Variants in RREB1 observed in about 807,000 individuals in gnomAD.
RREB1 encodes ras responsive element binding protein 1.
RREB1 carries 27 observed loss-of-function variants against 117.8 expected under a neutral mutation model. The ratio of observed to expected loss-of-function variants is 0.23; its 90% confidence interval spans 0.17 to 0.32. The LOEUF is 0.32. Ranked by LOEUF, RREB1 falls within the 10% of genes least tolerant of loss-of-function variation. The pLI is 1.00. For missense variants in RREB1, 2,577 were observed against 2,378.2 expected (o/e 1.08, Z -1.74); for synonymous variants, 1,298 against 1,026.7 (o/e 1.26, Z -5.05).
At chr6:7,147,200 G>A (rs1473422851) in intron 1 of RREB1, among the ~76,000 whole-genome samples, 1 of 152,220 alleles carries the variant, frequency 6.6e-6, no homozygotes, top group Non-Finnish European at 1.5e-5. Flanking sequence ...AGCTTCTGCA[G>A]AACTCATGGC....
rs201607080 is a variant in RREB1 at position 7,143,053 on chromosome 6, CAAAT to C, written c.-284-33601_-284-33598del. On this transcript the variant is annotated intron_variant, in intron 1 of 12. Coordinates refer to ENST00000379938, the MANE Select transcript of RREB1 (RefSeq NM_001003699.4). The stretch of plus-strand genomic sequence containing the variant: ...TTTGTGTTGGAAACTTGTCTTGAGA[CAAAT>C]GAATACATTTGAGCCACTGGGATTT... Among the ~76,000 whole-genome samples, 1,049 of 152,260 alleles carry C rather than the reference CAAAT, an allele frequency of 6.9e-3. 7 individuals are homozygous for C. Among genetic ancestry groups the C allele is most frequent in the African/African-American group, 0.023 (972 of 41,550 alleles).
chr6:7,114,125 A>G (rs1394130089), intron 1 of RREB1, among the ~76,000 whole-genome samples: 1 of 151,990 alleles, frequency 6.6e-6, no homozygotes, highest in African/African-American at 2.4e-5. Context: ...ATTCTTCTTA[A>G]TGTGGTTCAC....
In RREB1 at chr6:7,246,471, G is replaced by C. The variant is rs747277914; in HGVS notation, c.4021G>C (p.Asp1341His). The C allele has an allele frequency of 1.2e-5, 18 of 1,536,604 alleles. No individual in the cohort carries two copies. Among genetic ancestry groups the C allele is most frequent in the Non-Finnish European group, 1.6e-5 (18 of 1,140,098 alleles). The part of the protein sequence containing the change: ...ETAAAAGEVL[D>H]LTSRDREQPS... ...TGCAGCCGCCGCGGGCGAAGTGCTA[G>C]ACCTCACCTCACGGGACAGAGAGCA... is the stretch of plus-strand genomic sequence containing the variant. Residue 1341 changes from aspartate to histidine, a missense_variant, in exon 12 of 13, where the codon GAC (aspartate) becomes CAC (histidine). Asp to His is a moderately conservative substitution (Grantham distance 81). Transcript: ENST00000379938.
chr6:7,126,303 A>AT (rs546664022), intron 1 of RREB1, among the ~76,000 whole-genome samples: 113 of 139,076 alleles, frequency 8.1e-4, no homozygotes, highest in Non-Finnish European at 1.4e-3. Flanking sequence ...CCCGGCCTCG[A>AT]TTCCCCCCCG....
rs140379708 is a variant in RREB1 at position 7,213,610 on chromosome 6, TTGTGGTGGG to T, written c.707+1904_707+1912del. On this transcript the variant is annotated intron_variant, in intron 8 of 12. Coordinates refer to ENST00000379938, the MANE Select transcript of RREB1 (RefSeq NM_001003699.4). ...TTCACAGCATCCCCAGGATGTGGGC[TTGTGGTGGG>T]TGGCAAATACTGAAATAGTTCTCTA... is the stretch of plus-strand genomic sequence containing the variant. 89 of 152,416 alleles carry T rather than the reference TTGTGGTGGG, an allele frequency of 5.8e-4. No individual in the cohort carries two copies. The East Asian group carries it at 0.015, about 25-fold the overall frequency. 9.4% of individuals were successfully genotyped at this position (152,416 alleles called of 1,614,324 possible).
chr6:7,137,037 G>GA (rs753557895), intron 1 of RREB1, among the ~76,000 whole-genome samples: 1 of 152,248 alleles, frequency 6.6e-6, no homozygotes, highest in Non-Finnish European at 1.5e-5. Flanking sequence ...TCGAGAAGAT[G>GA]GAGGAAGCTT....
chr6:7,202,865 T>C (rs1766062401), intron 6 of RREB1, among the ~76,000 whole-genome samples: 1 of 152,224 alleles, frequency 6.6e-6, no homozygotes, highest in Admixed American at 6.5e-5. Context: ...GAGTTCTCTT[T>C]GGGTGAGAGG....
intron 6 of RREB1, among the ~76,000 whole-genome samples, chr6:7,198,243 C>CCCTGT (rs1308449659): frequency 3.3e-5 from 5 of 152,194 alleles, no homozygotes; most frequent in Non-Finnish European, 1.5e-5. Context: ...ATCACCAGGT[C>CCCTGT]CCTGTCCCTC....
At chr6:7,244,653 A>G (rs1367900910) in intron 11 of RREB1, among the ~76,000 whole-genome samples, 1 of 152,214 alleles carries the variant, frequency 6.6e-6, no homozygotes, top group African/African-American at 2.4e-5. Context: ...TCACACCATA[A>G]TATTTCTTTC....
intron 6 of RREB1, 152 bp downstream of exon 6, chr6:7,189,474 A>G (rs1765282297): frequency 5.4e-6 from 4 of 736,544 alleles, no homozygotes; most frequent in South Asian, 4.2e-5. Context: ...GATGCACACT[A>G]TCTCTGGGGT....
intron 6 of RREB1, among the ~76,000 whole-genome samples, chr6:7,207,711 A>G (rs557188087): frequency 6.6e-6 from 1 of 152,376 alleles, no homozygotes; most frequent in South Asian, 2.1e-4. Flanking sequence ...ACTTAGGACC[A>G]GTATAATTCC....
chr6:7,120,728 C>T (rs114499348), intron 1 of RREB1, among the ~76,000 whole-genome samples: 1 of 151,374 alleles, frequency 6.6e-6, no homozygotes, highest in African/African-American at 2.4e-5. Flanking sequence ...TGGAGTGCAG[C>T]CTCGACCTCG....
chr6:7,197,155 C>G (rs549137104), intron 6 of RREB1, among the ~76,000 whole-genome samples: 1 of 152,330 alleles, frequency 6.6e-6, no homozygotes, highest in Admixed American at 6.5e-5. Flanking sequence ...ATACTTGAAA[C>G]AGAGGATAGA....
chr6:7,149,228 T>C (rs1425036828), intron 1 of RREB1, among the ~76,000 whole-genome samples: 1 of 152,184 alleles, frequency 6.6e-6, no homozygotes, highest in African/African-American at 2.4e-5. Context: ...TGGCCATTTG[T>C]CTGTATTCCT....
At chr6:7,115,966 T>C (rs2113293809) in intron 1 of RREB1, among the ~76,000 whole-genome samples, 1 of 152,340 alleles carries the variant, frequency 6.6e-6, no homozygotes, top group East Asian at 1.9e-4. Flanking sequence ...AGTCTGGCCC[T>C]GGCATTGGCT....
chr6:7,238,981 C>T (rs1428319153), intron 10 of RREB1, among the ~76,000 whole-genome samples: 1 of 152,178 alleles, frequency 6.6e-6, no homozygotes, highest in Non-Finnish European at 1.5e-5. Flanking sequence ...AATGGCGCCC[C>T]CTGGAGTCGT....
chr6:7,149,499 G>A (rs1763018816), intron 1 of RREB1, among the ~76,000 whole-genome samples: 1 of 152,158 alleles, frequency 6.6e-6, no homozygotes, highest in South Asian at 2.1e-4. Flanking sequence ...GAATGGACTT[G>A]AGAGGTGACT....
rs1031739843 is a variant in RREB1, at chr6:7,195,498, G to T, written c.425+6176G>T. On this transcript the variant is annotated intron_variant, in intron 6 of 12. Transcript: ENST00000379938. ...CCCAAGCACATACCTGTGGGCCTGT[G>T]TTACGTTAATCAGGGGCCAGAACTG... Among the ~76,000 whole-genome samples, 4 of 152,324 alleles carry T rather than the reference G, an allele frequency of 2.6e-5. No individual in the cohort carries two copies. In the South Asian group the frequency reaches 8.3e-4, roughly 32 times the overall value.
chr6:7,225,777 C>T (rs768146244), intron 8 of RREB1, among the ~76,000 whole-genome samples: 31 of 152,028 alleles, frequency 2.0e-4, no homozygotes, highest in Non-Finnish European at 3.8e-4. Context: ...TGAGTCACAT[C>T]GCTTCGTATT....
Sources: allele counts gnomAD v4.1 joint callset (sites outside exome capture counted in the v4.1 genomes callset), GRCh38; gene constraint gnomAD v4.1.1; transcripts MANE v1.5; gene names NCBI Gene and HGNC (gene_info 2026-07-23, HGNC 2026-07-21).